PRDM1: variants seen among roughly 807,000 people sequenced by gnomAD.
The protein encoded by PRDM1 is PR/SET domain 1, also known as PR domain zinc finger protein 1.
PRDM1 carries 13 observed loss-of-function variants against 62.8 expected under a neutral mutation model. The ratio of observed to expected loss-of-function variants is 0.21; its 90% confidence interval spans 0.13 to 0.33. The LOEUF is 0.33. Ranked by LOEUF, PRDM1 falls within the 10% of genes least tolerant of loss-of-function variation. The pLI is 1.00. For synonymous variants in PRDM1, 396 were observed against 417.6 expected, an observed-to-expected ratio of 0.95 and a Z score of 0.63; for missense variants, 895 against 1,058.8, an observed-to-expected ratio of 0.85 and a Z score of 2.15.
chr6:106,069,840 T>G (rs1773483403), intron 1 of PRDM1, among the ~76,000 whole-genome samples: 1 of 152,056 alleles, frequency 6.6e-6, no homozygotes, highest in Non-Finnish European at 1.5e-5. Flanking sequence ...AAATGAGGAG[T>G]TGGTCTCCAA....
intron 1 of PRDM1, among the ~76,000 whole-genome samples, chr6:106,033,685 A>G (rs929547187): frequency 6.6e-6 from 1 of 152,082 alleles, no homozygotes; most frequent in Non-Finnish European, 1.5e-5. Context: ...CAATATTTAT[A>G]AGGGATATTG....
intron 1 of PRDM1, among the ~76,000 whole-genome samples, chr6:106,029,587 C>T (rs1772811041): frequency 6.6e-6 from 1 of 151,976 alleles, no homozygotes; most frequent in African/African-American, 2.4e-5. Context: ...ATATAACAGT[C>T]TCTTCAACTT....
chr6:106,034,465 C>T (rs1021594673), intron 1 of PRDM1, among the ~76,000 whole-genome samples: 2 of 151,834 alleles, frequency 1.3e-5, no homozygotes, highest in Admixed American at 6.6e-5. Flanking sequence ...TCATGCATCT[C>T]TAATTATTTT....
chr6:106,000,286 A>G (rs1162828672), intron 1 of PRDM1, among the ~76,000 whole-genome samples: 1 of 152,188 alleles, frequency 6.6e-6, no homozygotes. Flanking sequence ...AAAAATATAT[A>G]CAAGCCAGGG....
At position 106,014,441 on chromosome 6, in the gene PRDM1, C is replaced by CA. The variant is rs10625805; in HGVS notation, c.-67+20813dup. 4.7e-4 allele frequency among the ~76,000 whole-genome samples: 70 copies of CA among 147,484 alleles called. 1 individual carries two copies. The highest frequency in any genetic ancestry group is 3.5e-3 in the Middle Eastern group (1 of 286). ...CAGTTTCTAGCACATAAGAAATGTT[C>CA]AAAAAAAAAAACTTGAATAAAAAGT... On this transcript the variant is annotated intron_variant, in intron 1 of 6. Transcript: ENST00000652320.
chr6:106,100,691 C>T (rs1774243045), intron 4 of PRDM1: 1 of 152,202 alleles, frequency 6.6e-6, no homozygotes, highest in Admixed American at 6.5e-5. Flanking sequence ...ATTCATTCCA[C>T]ACTTCATTTT....
intron 3 of PRDM1, chr6:106,098,422 G>A: frequency 4.1e-6 from 4 of 985,324 alleles, no homozygotes; most frequent in Non-Finnish European, 4.8e-6. Flanking sequence ...TATTACTCTA[G>A]GACAAACTTC....
chr6:106,025,171 T>C (rs1263217283), intron 1 of PRDM1, among the ~76,000 whole-genome samples: 1 of 152,238 alleles, frequency 6.6e-6, no homozygotes, highest in Non-Finnish European at 1.5e-5. Flanking sequence ...TTCCCATTTA[T>C]TTTAGAGGAG....
intron 1 of PRDM1, among the ~76,000 whole-genome samples, chr6:106,067,034 T>A (rs1773444872): frequency 6.6e-6 from 1 of 152,162 alleles, no homozygotes; most frequent in South Asian, 2.1e-4. Context: ...GAATGAGAGA[T>A]GTAGGGAAGG....
chr6:106,061,050 A>G (rs1006184380), intron 1 of PRDM1, among the ~76,000 whole-genome samples: 1 of 152,024 alleles, frequency 6.6e-6, no homozygotes, highest in African/African-American at 2.4e-5. Context: ...AGCAAGGAGA[A>G]CCCCAACCTC....
At chr6:106,046,327 G>T (rs62420728), upstream of PRDM1, 7,381 of 152,206 alleles carry the variant, frequency 0.048, 182 homozygotes, top group Non-Finnish European at 0.058. Context: ...TGGTCTCCAA[G>T]GTGATCAAAG....
chr6:106,095,277 G>A (rs1562168062), intron 2 of PRDM1, among the ~76,000 whole-genome samples: 1 of 152,190 alleles, frequency 6.6e-6, no homozygotes. Context: ...ATCTAATTCT[G>A]CAGTGTCTTA....
intron 1 of PRDM1, among the ~76,000 whole-genome samples, chr6:106,033,851 C>T (rs1321726337): frequency 2.6e-5 from 4 of 151,788 alleles, no homozygotes; most frequent in African/African-American, 9.7e-5. Context: ...TAGAATTCAC[C>T]AGTGAAGCCA....
rs879331584 is a variant in PRDM1 at position 106,086,985 on chromosome 6, CT to C, written c.42+402del. ...GAGGGAAAAACAACTTTGCATCCAACTTTTTTTTTTTTAAGAGCATCCTATT... is the reference window on the plus strand; with the variant it reads ...GAGGGAAAAACAACTTTGCATCCAACTTTTTTTTTTTAAGAGCATCCTATT... On this transcript the variant is annotated intron_variant, in intron 1 of 6. Transcript: ENST00000369096. 1.3e-3 allele frequency among the ~76,000 whole-genome samples: 194 copies of C among 145,626 alleles called. 1 individual carries two copies. The highest frequency in any genetic ancestry group is 1.7e-3 in the African/African-American group (70 of 40,050).
chr6:105,996,348 A>T (rs1157826385), intron 1 of PRDM1, among the ~76,000 whole-genome samples: 1 of 152,186 alleles, frequency 6.6e-6, no homozygotes, highest in South Asian at 2.1e-4. Flanking sequence ...TTAATTAACA[A>T]TTAATCATTT....
intron 1 of PRDM1, among the ~76,000 whole-genome samples, chr6:106,009,074 G>C (rs933550817): frequency 6.6e-6 from 1 of 152,130 alleles, no homozygotes; most frequent in Non-Finnish European, 1.5e-5. Context: ...CTACCCTTTC[G>C]CTCACGCCCC....
At position 106,106,560 on chromosome 6, in the gene PRDM1, T is replaced by A; in HGVS notation, c.1902+61T>A. 1 of 1,601,622 alleles carries A rather than the reference T, an allele frequency of 6.2e-7. No homozygotes were observed. Among genetic ancestry groups the A allele is most frequent in the Middle Eastern group, 1.7e-4 (1 of 6,038 alleles). On this transcript the variant is annotated intron_variant, in intron 6 of 6. Transcript: ENST00000369096. The surrounding 1 kb of genome is among the most constrained non-coding windows in gnomAD (Gnocchi z 4.4). ...TGTAGAAAATGTCTGTGAGTCACCC[T>A]CCCATGTCCTATATAGCCCGTAGTT...
intron 2 of PRDM1, among the ~76,000 whole-genome samples, chr6:106,094,814 G>C (rs1774050838): frequency 6.6e-6 from 1 of 151,864 alleles, no homozygotes; most frequent in Non-Finnish European, 1.5e-5. Context: ...GAGGTGGGAG[G>C]ATCTCTTGAT....
chr6:106,002,607 A>C (rs1772439872), intron 1 of PRDM1, among the ~76,000 whole-genome samples: 1 of 152,140 alleles, frequency 6.6e-6, no homozygotes, highest in Admixed American at 6.5e-5. Flanking sequence ...AACTTAGAAA[A>C]TATTTTTTAT....
Sources: allele counts gnomAD v4.1 joint callset (sites outside exome capture counted in the v4.1 genomes callset), GRCh38; gene constraint gnomAD v4.1.1; non-coding constraint Gnocchi (gnomAD v3.1); transcripts MANE v1.5; gene names NCBI Gene and HGNC (gene_info 2026-07-23, HGNC 2026-07-21).